The following EXT1 variants were observed in gnomAD, a reference collection of about 807,000 sequenced individuals.
EXT1 encodes exostosin-1.
A neutral mutation model predicts 82.5 loss-of-function variants in EXT1; 20 were observed. The ratio of observed to expected loss-of-function variants is 0.24; its 90% CI spans 0.17 to 0.35. The LOEUF is 0.35. EXT1 is among the 10% of genes least tolerant of loss of function. The pLI, the probability that EXT1 is intolerant of heterozygous loss-of-function variation, is 1.00. For synonymous variants in EXT1, 348 were observed against 350.8 expected, an observed-to-expected ratio of 0.99 and a Z score of 0.09; for missense variants, 757 against 936.5, an observed-to-expected ratio of 0.81 and a Z score of 2.50.
At position 117,805,856 on chromosome 8, in the gene EXT1, AAT is replaced by A. The variant is rs1230282906; in HGVS notation, c.1884-965_1884-964del. On this transcript the variant is annotated intron_variant, in intron 9 of 10. Transcript: ENST00000378204. ...TCCAGTCCCCTGGCTTTAAAGACCA[AAT>A]ATATGCAAACAACTGCCAAATTTGT... 2.6e-5 allele frequency among the ~76,000 whole-genome samples: 4 copies of A among 152,188 alleles called. No individual in the cohort carries two copies. In the East Asian group the frequency reaches 7.7e-4, roughly 29 times the overall value.
At chr8:117,947,913 A>T (rs898897552) in intron 1 of EXT1, among the ~76,000 whole-genome samples, 1 of 152,152 alleles carries the variant, frequency 6.6e-6, no homozygotes, top group Admixed American at 6.5e-5. Flanking sequence ...ATCCCTATTC[A>T]TCCCTTCGTG....
intron 1 of EXT1, among the ~76,000 whole-genome samples, chr8:118,043,328 A>G (rs992249471): frequency 9.2e-5 from 14 of 152,214 alleles, no homozygotes; most frequent in African/African-American, 3.4e-4. Flanking sequence ...GAGACACTTT[A>G]TTCATCAAAA....
chr8:117,859,723 T>G (rs1444304551), intron 1 of EXT1, among the ~76,000 whole-genome samples: 1 of 152,254 alleles, frequency 6.6e-6, no homozygotes, highest in East Asian at 1.9e-4. Flanking sequence ...TATATTTTGA[T>G]TATATGCATA....
At chr8:117,983,410 G>A (rs1815247888) in intron 1 of EXT1, among the ~76,000 whole-genome samples, 1 of 152,082 alleles carries the variant, frequency 6.6e-6, no homozygotes, top group Non-Finnish European at 1.5e-5. Flanking sequence ...CTTGAGCCCA[G>A]GAGGTTGGCG....
intron 1 of EXT1, among the ~76,000 whole-genome samples, chr8:117,853,077 T>G (rs1812483214): frequency 6.6e-6 from 1 of 152,136 alleles, no homozygotes; most frequent in African/African-American, 2.4e-5. Flanking sequence ...GTGCTGACAG[T>G]AGATGCAAAA....
chr8:117,907,047 T>A (rs1192013773), intron 1 of EXT1, among the ~76,000 whole-genome samples: 1 of 150,664 alleles, frequency 6.6e-6, no homozygotes, highest in East Asian at 1.9e-4. Flanking sequence ...ACCATGCACA[T>A]TCACTTACAT....
intron 3 of EXT1, 120 bp from the exon 4 acceptor site, chr8:117,830,469 A>T: frequency 9.2e-7 from 1 of 1,083,802 alleles, no homozygotes; most frequent in Non-Finnish European, 1.3e-6. Context: ...TAGCATATAG[A>T]TCTACTAAAA....
chr8:117,840,619 A>G (rs1036843220), intron 1 of EXT1, among the ~76,000 whole-genome samples: 2 of 143,948 alleles, frequency 1.4e-5, no homozygotes, highest in East Asian at 4.1e-4. Flanking sequence ...TCTCAAAAAG[A>G]AAAAAAAAAA....
intron 1 of EXT1, among the ~76,000 whole-genome samples, chr8:117,931,165 G>C (rs1814054115): frequency 6.6e-6 from 1 of 152,188 alleles, no homozygotes; most frequent in Admixed American, 6.5e-5. Context: ...CCCTGCCTTT[G>C]GAAAGCCATT....
chr8:117,967,116 T>C (rs1010069803), intron 1 of EXT1, among the ~76,000 whole-genome samples: 1 of 152,230 alleles, frequency 6.6e-6, no homozygotes, highest in African/African-American at 2.4e-5. Flanking sequence ...GATTAAATCA[T>C]AACACACCAT....
At chr8:118,104,833 T>A (rs1380451056) in intron 1 of EXT1, among the ~76,000 whole-genome samples, 1 of 152,226 alleles carries the variant, frequency 6.6e-6, no homozygotes, top group Non-Finnish European at 1.5e-5. Context: ...CATAAGCTTC[T>A]GTGTTCATGT....
At chr8:118,090,403 G>T (rs979332125) in intron 1 of EXT1, among the ~76,000 whole-genome samples, 1 of 151,900 alleles carries the variant, frequency 6.6e-6, no homozygotes, top group South Asian at 2.1e-4. Flanking sequence ...CTGGGCAACA[G>T]AGCAAGACCG....
intron 1 of EXT1, among the ~76,000 whole-genome samples, chr8:117,846,979 C>T (rs1460420597): frequency 6.6e-6 from 1 of 152,174 alleles, no homozygotes; most frequent in African/African-American, 2.4e-5. Context: ...CCTGTGCTAA[C>T]TCTCTATTGC....
chr8:118,049,626 T>C (rs1160574667), intron 1 of EXT1, among the ~76,000 whole-genome samples: 2 of 152,136 alleles, frequency 1.3e-5, no homozygotes. Flanking sequence ...AGAAAAAAAA[T>C]ATGTGTAACT....
intron 1 of EXT1, among the ~76,000 whole-genome samples, chr8:117,937,056 C>A (rs1006680077): frequency 6.6e-6 from 1 of 152,118 alleles, no homozygotes; most frequent in Non-Finnish European, 1.5e-5. Context: ...TACATCCCTT[C>A]GCTCCCTCCA....
chr8:118,015,489 T>C (rs1815984492), intron 1 of EXT1, among the ~76,000 whole-genome samples: 1 of 152,108 alleles, frequency 6.6e-6, no homozygotes, highest in African/African-American at 2.4e-5. Context: ...TACCCTAAAT[T>C]ATTCCTGACA....
chr8:118,045,602 AG>A (rs1421436981), intron 1 of EXT1, among the ~76,000 whole-genome samples: 2 of 151,998 alleles, frequency 1.3e-5, no homozygotes, highest in African/African-American at 2.4e-5. Context: ...TTTAACAATC[AG>A]CCTCTTCTAT....
At chr8:118,036,390 G>A (rs577625934) in intron 1 of EXT1, among the ~76,000 whole-genome samples, 43 of 151,688 alleles carry the variant, frequency 2.8e-4, no homozygotes, top group African/African-American at 9.4e-4. Flanking sequence ...GCCCCTTTTC[G>A]GTCTCCTCCT....
At chr8:117,900,512 AT>A (rs1173947570) in intron 1 of EXT1, among the ~76,000 whole-genome samples, 1 of 152,176 alleles carries the variant, frequency 6.6e-6, no homozygotes, top group Non-Finnish European at 1.5e-5. Context: ...AAATAAATTC[AT>A]TGTTGGAGGC....
Sources: allele counts gnomAD v4.1 joint callset (sites outside exome capture counted in the v4.1 genomes callset), GRCh38; gene constraint gnomAD v4.1.1; transcripts MANE v1.5; gene names NCBI Gene and HGNC (gene_info 2026-07-23, HGNC 2026-07-21).